AKAP12: variants seen among roughly 807,000 people sequenced by gnomAD.
AKAP12 encodes A-kinase anchoring protein 12, also known as A-kinase anchor protein 12.
AKAP12 carries 32 observed loss-of-function variants against 79.9 expected under a neutral mutation model. The ratio of observed to expected loss-of-function variants is 0.40; its 90% CI spans 0.30 to 0.54. The LOEUF (loss-of-function observed/expected upper bound fraction) is 0.54, where lower values mean the gene tolerates loss of function less well. Among genes scored for constraint, AKAP12 ranks in the 20% least tolerant of loss-of-function variants. AKAP12 has a pLI of 0.48. For missense variants in AKAP12, 2,074 were observed against 2,177.0 expected, an observed-to-expected ratio of 0.95 and a Z score of 0.94; for synonymous variants, 808 against 857.0, an observed-to-expected ratio of 0.94 and a Z score of 1.00.
intron 3 of AKAP12, among the ~76,000 whole-genome samples, chr6:151,335,567 G>A (rs1022384238): frequency 1.3e-5 from 2 of 152,182 alleles, no homozygotes; most frequent in Non-Finnish European, 2.9e-5. Flanking sequence ...CACCTCGAAA[G>A]TTCAAGCAAT....
chr6:151,288,365 A>T (rs1475705927), intron 2 of AKAP12, among the ~76,000 whole-genome samples: 1 of 152,070 alleles, frequency 6.6e-6, no homozygotes, highest in Non-Finnish European at 1.5e-5. Flanking sequence ...AAATACAAAA[A>T]AATTAGCTGG....
At chr6:151,244,193 CT>C (rs1229893341) in intron 2 of AKAP12, among the ~76,000 whole-genome samples, 3 of 152,134 alleles carry the variant, frequency 2.0e-5, no homozygotes, top group African/African-American at 7.2e-5. Context: ...CGTTGTCTGA[CT>C]GGTAAATTTA....
At chr6:151,266,482 GGAGTCTA>G (rs900332300) in intron 2 of AKAP12, among the ~76,000 whole-genome samples, 3 of 152,150 alleles carry the variant, frequency 2.0e-5, no homozygotes, top group Admixed American at 1.3e-4. Context: ...AGAGGAGGGA[GGAGTCTA>G]GGTAGAATAG....
At chr6:151,243,751 T>C (rs889258399) in intron 2 of AKAP12, among the ~76,000 whole-genome samples, 1 of 152,172 alleles carries the variant, frequency 6.6e-6, no homozygotes, top group Non-Finnish European at 1.5e-5. Context: ...TTTTGAGACA[T>C]GGCCGTTTCA....
chr6:151,294,622 G>A (rs1776687015), intron 2 of AKAP12, among the ~76,000 whole-genome samples: 1 of 152,164 alleles, frequency 6.6e-6, no homozygotes, highest in Non-Finnish European at 1.5e-5. Context: ...GTCATTGGTA[G>A]GTGGTGCTTT....
At chr6:151,302,591 T>C (rs1776886008) in intron 2 of AKAP12, among the ~76,000 whole-genome samples, 1 of 151,784 alleles carries the variant, frequency 6.6e-6, no homozygotes, top group South Asian at 2.1e-4. Flanking sequence ...AAGAATTTTT[T>C]CAATAATTTT....
chr6:151,316,074 A>AGAAAAGGATGCTTT (rs1554328687), intron 3 of AKAP12, among the ~76,000 whole-genome samples: 1 of 152,236 alleles, frequency 6.6e-6, no homozygotes, highest in Non-Finnish European at 1.5e-5. Flanking sequence ...CATATCATAT[A>AGAAAAGGATGCTTT]GAAAAGGATG....
rs148836519 is a variant in AKAP12, at chr6:151,352,277, C to G, written c.3886C>G (p.Arg1296Gly). 3 of 1,614,064 alleles carry G rather than the reference C, an allele frequency of 1.9e-6. No individual in the cohort carries two copies. Among genetic ancestry groups the G allele is most frequent in the Non-Finnish European group, 2.5e-6 (3 of 1,180,026 alleles). Residue 1296 changes from arginine (R) to glycine (G), a missense_variant, in exon 4 of 5, where the codon CGG becomes GGG. Physicochemically the swap from Arg to Gly is moderately radical, Grantham distance 125 (BLOSUM62 -2). This residue lies in a region of AKAP12 where 614 missense variants were observed against 665.6 expected (regional missense o/e 0.92). Transcript: ENST00000402676. ...GSIDTGITVS[R>G]EKVTEVALKG... ...TATAGACACAGGCATAACAGTCAGTCGGGAAAAGGTCACTGAAGTTGCCCT... is the reference window on the plus strand; with the variant it reads ...TATAGACACAGGCATAACAGTCAGTGGGGAAAAGGTCACTGAAGTTGCCCT...
chr6:151,297,084 C>A (rs1441778409), intron 2 of AKAP12, among the ~76,000 whole-genome samples: 1 of 144,704 alleles, frequency 6.9e-6, no homozygotes, highest in Non-Finnish European at 1.5e-5. Flanking sequence ...AGTGAATACA[C>A]CAAGAGCTAC....
chr6:151,250,416 T>C (rs1797151013), intron 2 of AKAP12, among the ~76,000 whole-genome samples: 1 of 151,306 alleles, frequency 6.6e-6, no homozygotes, highest in Non-Finnish European at 1.5e-5. Flanking sequence ...GGAGAATCGC[T>C]TGAACACGGG....
At chr6:151,338,280 C>T (rs1374468040) in intron 3 of AKAP12, among the ~76,000 whole-genome samples, 3 of 152,016 alleles carry the variant, frequency 2.0e-5, no homozygotes, top group Non-Finnish European at 4.4e-5. Flanking sequence ...CAATATCCAC[C>T]CTAGGGTCAG....
rs147969820 is a variant in AKAP12 at position 151,318,411 on chromosome 6, A to G, written c.319+12508A>G. On this transcript the variant is annotated intron_variant, in intron 3 of 4. Transcript: ENST00000402676. ...AAATCCTGGTCCTAAGTATTCCCCT[A>G]ATCAAGTCCATTTCTGTTGAGTATG... Among the ~76,000 whole-genome samples the G allele has an allele frequency of 2.4e-3, 359 of 152,316 alleles. 2 individuals are homozygous for G. Among genetic ancestry groups the G allele is most frequent in the African/African-American group, 8.4e-3 (351 of 41,576 alleles).
intron 4 of AKAP12, 117 bp downstream of exon 4, chr6:151,353,869 G>A (rs1778368450): frequency 4.6e-6 from 3 of 652,558 alleles, no homozygotes; most frequent in East Asian, 2.8e-5. Context: ...CTTCAGTTGA[G>A]GAAAATAACT....
At chr6:151,291,335 G>A (rs2499896) in intron 2 of AKAP12, among the ~76,000 whole-genome samples, 114,806 of 152,128 alleles carry the variant, frequency 0.75, 46,064 homozygotes, top group East Asian at 0.99. Context: ...TCTCACAGCT[G>A]ATGAGTGGCT....
In AKAP12 at chr6:151,349,658, A is replaced by C. The variant is rs377224449; in HGVS notation, c.1267A>C (p.Thr423Pro). ...GGTTGTGGCCGAAGTCCACGTCAGC[A>C]CCGTGGAGGAGAGAACCGAAGAGCA... The part of the protein sequence containing the change: ...EEVVAEVHVS[T>P]VEERTEEQKT... The change falls in exon 4 of 5, where the codon ACC (threonine) becomes CCC (proline). Residue 423 changes from threonine to proline, a missense_variant. Around this residue, in one of 3 missense-constraint regions of AKAP12, gnomAD observed 1,428 missense variants for 1,451.0 expected, o/e 0.98. Coordinates refer to ENST00000402676, the MANE Select transcript of AKAP12 (RefSeq NM_005100.4). The C allele has an allele frequency of 1.9e-6, 3 of 1,614,122 alleles. No individual in the cohort carries two copies. The highest frequency in any genetic ancestry group is 2.2e-5 in the East Asian group (1 of 44,874).
At chr6:151,348,324 CAAAAAAAAAA>C in intron 3 of AKAP12, 1 of 394,368 alleles carries the variant, frequency 2.5e-6, no homozygotes, top group Non-Finnish European at 4.8e-6. Context: ...GACTCTGTCT[CAAAAAAAAAA>C]AAAAAAAAAG....
chr6:151,285,879 A>T (rs930193689), intron 2 of AKAP12, among the ~76,000 whole-genome samples: 2 of 144,924 alleles, frequency 1.4e-5, no homozygotes, highest in African/African-American at 5.1e-5. Flanking sequence ...GGAGGTGATA[A>T]TTTTTTTTTT....
chr6:151,305,032 C>T (rs966240368), intron 2 of AKAP12, among the ~76,000 whole-genome samples: 2 of 152,244 alleles, frequency 1.3e-5, no homozygotes, highest in Non-Finnish European at 2.9e-5. Flanking sequence ...GAGCACTGGC[C>T]TTCGCGCCAA....
intron 3 of AKAP12, chr6:151,325,913 C>T: frequency 6.2e-7 from 1 of 1,614,180 alleles, no homozygotes; most frequent in Non-Finnish European, 8.5e-7. Flanking sequence ...TCGCTTTTGT[C>T]CTCCCTGGAC....
Sources: gnomAD v4.1 joint callset for allele counts (sites outside exome capture counted in the v4.1 genomes callset) on GRCh38, gnomAD v4.1.1 for gene constraint, gnomAD v4.1.1 regional missense constraint, MANE v1.5 for transcripts, NCBI Gene and HGNC (gene_info 2026-07-23, HGNC 2026-07-21) for gene names.